SVIP: variants seen among roughly 807,000 people sequenced by gnomAD.
The protein encoded by SVIP is small VCP/p97-interacting protein.
A neutral mutation model predicts 12.9 loss-of-function variants in SVIP; 14 were observed. The ratio of observed to expected loss-of-function variants is 1.08; its 90% CI spans 0.72 to 1.70. The LOEUF (loss-of-function observed/expected upper bound fraction) is 1.70, where lower values mean the gene tolerates loss of function less well. Among genes scored for constraint, SVIP ranks in the 40% most tolerant of loss-of-function variants. SVIP has a pLI of 0.00. For missense variants in SVIP, 93 were observed against 90.8 expected (o/e 1.02, Z -0.10); for synonymous variants, 35 against 33.3 (o/e 1.05, Z -0.17).
rs1398645397 is a variant in SVIP, at chr11:22,822,983, A to G, written c.*136T>C. On this transcript the variant is annotated 3_prime_UTR_variant, in exon 4 of 4. Transcript: ENST00000354193. Reference sequence around the variant, plus strand: ...GCTTGAAAATCAACGTTTTTTTAGCATTGCACTTAAGGGCAATAATATTAC... The same window carrying G: ...GCTTGAAAATCAACGTTTTTTTAGCGTTGCACTTAAGGGCAATAATATTAC... The G allele has an allele frequency of 1.5e-6, 1 of 675,016 alleles. No individual in the cohort carries two copies. The highest frequency in any genetic ancestry group is 1.9e-5 in the African/African-American group (1 of 53,592). The allele number at this position is 675,016 out of a possible 1,614,324, so 41.8% of individuals were successfully genotyped here. A position where few individuals can be genotyped will look rare whatever the true frequency, so the allele number is the denominator to read the frequency against.
At chr11:22,826,379 A>G (rs574110709) in intron 3 of SVIP, among the ~76,000 whole-genome samples, 1 of 51,510 alleles carries the variant, frequency 1.9e-5, no homozygotes, top group African/African-American at 4.4e-5. Context: ...TAGTTTTGAG[A>G]GAAAAAAAAC....
rs1430289523 is a variant in SVIP at position 22,820,416 on chromosome 11, T to G, written c.*2703A>C. 6.6e-6 allele frequency: 1 copy of G among 152,214 alleles called. No homozygotes were observed. The highest frequency in any genetic ancestry group is 2.4e-5 in the African/African-American group (1 of 41,460). 9.4% of individuals were successfully genotyped at this position (152,214 alleles called of 1,614,324 possible). ...AAACAGGATACTAATTACATCATTT[T>G]TCCTTTATAGAAAATCCACCTATAA... is the stretch of plus-strand genomic sequence containing the variant. On this transcript the variant is annotated 3_prime_UTR_variant, in exon 4 of 4. Transcript: ENST00000354193.
intron 3 of SVIP, 97 bp downstream of exon 3, chr11:22,827,110 T>C: frequency 1.1e-6 from 1 of 925,192 alleles, no homozygotes; most frequent in Non-Finnish European, 1.7e-6. Context: ...CAAAATTTTC[T>C]GATAATACAT....
intron 3 of SVIP, among the ~76,000 whole-genome samples, chr11:22,825,677 A>G (rs1229123469): frequency 6.6e-6 from 1 of 152,148 alleles, no homozygotes; most frequent in Non-Finnish European, 1.5e-5. Context: ...TTTAATCTAT[A>G]GACTTCAGAG....
At chr11:22,828,176 T>C (rs1295421070) in intron 1 of SVIP, among the ~76,000 whole-genome samples, 2 of 152,128 alleles carry the variant, frequency 1.3e-5, no homozygotes, top group Non-Finnish European at 2.9e-5. Context: ...TGTTTACAAA[T>C]ACAAAAAGGA....
intron 3 of SVIP, among the ~76,000 whole-genome samples, chr11:22,826,919 A>G (rs1437439620): frequency 1.3e-5 from 2 of 152,128 alleles, no homozygotes; most frequent in African/African-American, 2.4e-5. Context: ...ACTTCTCCAT[A>G]TTGCTTGAAT....
intron 2 of SVIP, 102 bp from the exon 3 acceptor site, chr11:22,827,422 G>A: frequency 1.1e-6 from 1 of 926,932 alleles, no homozygotes; most frequent in Non-Finnish European, 1.7e-6. Context: ...TTCTTTGGGG[G>A]TAGGGAGTTG....
Position 22,827,273 on chromosome 11 carries a change from T to C in SVIP, c.153A>G (p.Arg51=). ...ILDVQSVQEK[R]KKKEKIEKQI... ...GTTTTTCTATTTTTTCCTTTTTCTT[T>C]CTCTTTTCTTGCACAGATTGAACAT... Residue 51 remains arginine, a synonymous_variant, in exon 3 of 4, where the codon AGA becomes AGG. Coordinates refer to ENST00000354193, the MANE Select transcript of SVIP (RefSeq NM_148893.3). The C allele has an allele frequency of 1.2e-6, 2 of 1,610,968 alleles. No individual in the cohort carries two copies. Among genetic ancestry groups the C allele is most frequent in the Non-Finnish European group, 1.7e-6 (2 of 1,178,914 alleles).
At chr11:22,829,206 T>TA (rs920032184) in intron 1 of SVIP, 7 of 152,810 alleles carry the variant, frequency 4.6e-5, no homozygotes, top group African/African-American at 1.7e-4. Flanking sequence ...AAGAAATCAT[T>TA]AAAAAAACAT....
chr11:22,827,938 T>C (rs1857785789), intron 1 of SVIP, 64 bp from the exon 2 acceptor site: 2 of 1,261,940 alleles, frequency 1.6e-6, no homozygotes, highest in Admixed American at 2.5e-5. Context: ...ATTATTCACA[T>C]TTATTTCATA....
chr11:22,828,864 AGAG>A (rs1181833563), intron 1 of SVIP, among the ~76,000 whole-genome samples: 1 of 152,312 alleles, frequency 6.6e-6, no homozygotes, highest in East Asian at 1.9e-4. Context: ...ATTTTTAGCT[AGAG>A]AAGAGAAACA....
intron 1 of SVIP, 127 bp downstream of exon 1, chr11:22,829,568 T>A: frequency 4.1e-6 from 4 of 980,014 alleles, no homozygotes; most frequent in Non-Finnish European, 6.0e-6. Context: ...CCACCCGTCC[T>A]CGCTAGCAGG....
intron 3 of SVIP, among the ~76,000 whole-genome samples, chr11:22,823,748 G>C (rs1438397578): frequency 6.6e-6 from 1 of 152,144 alleles, no homozygotes; most frequent in Non-Finnish European, 1.5e-5. Flanking sequence ...GGATTTTCTT[G>C]AGACAGGGTC....
chr11:22,823,045 T>A lies in SVIP; in HGVS notation c.*74A>T. 1.5e-6 allele frequency: 2 copies of A among 1,290,810 alleles called. No homozygotes were observed. Among genetic ancestry groups the A allele is most frequent in the Non-Finnish European group, 2.1e-6 (2 of 932,354 alleles). The allele number at this position is 1,290,810 out of a possible 1,614,324, so 80.0% of individuals were successfully genotyped here. A position where few individuals can be genotyped will look rare whatever the true frequency, so the allele number is the denominator to read the frequency against. ...CTTCATTTACTCAAAGAGAAGAAAT[T>A]AAATTGATGAAGCCCACTTGATTGC... On this transcript the variant is annotated 3_prime_UTR_variant, in exon 4 of 4. Transcript: ENST00000354193.
At chr11:22,829,580 T>C in intron 1 of SVIP, 115 bp downstream of exon 1, 2 of 1,086,576 alleles carry the variant, frequency 1.8e-6, no homozygotes, top group Non-Finnish European at 1.3e-6. Context: ...GCTAGCAGGG[T>C]CCCCCAGCGG....
Position 22,823,122 on chromosome 11 carries a change from T to A in SVIP, c.231A>T (p.Ser77=). Residue 77 remains serine, a synonymous_variant, in exon 4 of 4, where the codon TCA becomes TCT. Coordinates refer to ENST00000354193, the MANE Select transcript of SVIP (RefSeq NM_148893.3). ...PPEGGLRWTV[S] Reference sequence around the variant, plus strand: ...ATTCTTCTACTCATGTTATGCTTTATGAAACTGTCCACTAGAAAAGATAAA... The same window carrying A: ...ATTCTTCTACTCATGTTATGCTTTAAGAAACTGTCCACTAGAAAAGATAAA... 6.3e-7 allele frequency: 1 copy of A among 1,594,642 alleles called. No individual in the cohort carries two copies. Among genetic ancestry groups the A allele is most frequent in the South Asian group, 1.1e-5 (1 of 88,264 alleles).
intron 3 of SVIP, among the ~76,000 whole-genome samples, chr11:22,823,513 T>C (rs1233671042): frequency 6.6e-6 from 1 of 152,148 alleles, no homozygotes; most frequent in Non-Finnish European, 1.5e-5. Context: ...CGTCCTTCAA[T>C]GCTTTAGCCC....
intron 3 of SVIP, among the ~76,000 whole-genome samples, chr11:22,825,106 C>G (rs191003219): frequency 6.6e-6 from 1 of 151,884 alleles, no homozygotes; most frequent in Non-Finnish European, 1.5e-5. Context: ...ACAGGGAATG[C>G]AAACTAGACT....
At position 22,819,276 on chromosome 11, in the gene SVIP, G is replaced by GT. The variant is rs1234383684; in HGVS notation, c.*3842_*3843insA. 1.3e-5 allele frequency: 2 copies of GT among 152,126 alleles called. No homozygotes were observed. The highest frequency in any genetic ancestry group is 4.8e-5 in the African/African-American group (2 of 41,396). The allele number at this position is 152,126 out of a possible 1,614,324, so 9.4% of individuals were successfully genotyped here. On this transcript the variant is annotated 3_prime_UTR_variant, in exon 4 of 4. Coordinates refer to ENST00000354193, the MANE Select transcript of SVIP (RefSeq NM_148893.3). ...GCATTTTAGGAGTTTGATAGGAAAAGGAGTTTAGCATAACTCCTTGATATC... is the reference window on the plus strand; with the variant it reads ...GCATTTTAGGAGTTTGATAGGAAAAGTGAGTTTAGCATAACTCCTTGATATC...
Sources: allele counts gnomAD v4.1 joint callset (sites outside exome capture counted in the v4.1 genomes callset), GRCh38; gene constraint gnomAD v4.1.1; transcripts MANE v1.5; gene names NCBI Gene and HGNC (gene_info 2026-07-23, HGNC 2026-07-21).